WWOX: variants seen among roughly 807,000 people sequenced by gnomAD.
WWOX encodes WW domain containing oxidoreductase.
In WWOX, 69 loss-of-function variants were observed where a neutral mutation model predicts 46.2. The ratio of observed to expected loss-of-function variants is 1.49; its 90% confidence interval spans 1.23 to 1.82. The LOEUF (loss-of-function observed/expected upper bound fraction) is 1.82, where lower values mean the gene tolerates loss of function less well. Among genes scored for constraint, WWOX ranks in the 40% most tolerant of loss-of-function variants. The pLI, the probability that WWOX is intolerant of heterozygous loss-of-function variation, is 0.00. For missense variants in WWOX, 919 were observed against 542.6 expected, an observed-to-expected ratio of 1.69 and a Z score of -6.89; for synonymous variants, 359 against 202.6, an observed-to-expected ratio of 1.77 and a Z score of -6.56.
chr16:78,758,398 A>G (rs368482347), intron 8 of WWOX, among the ~76,000 whole-genome samples: 13 of 152,212 alleles, frequency 8.5e-5, no homozygotes, highest in East Asian at 1.9e-4. Flanking sequence ...AATAATAACT[A>G]TGTCACCAAA....
intron 8 of WWOX, among the ~76,000 whole-genome samples, chr16:78,841,936 G>A (rs578154715): frequency 5.3e-5 from 8 of 152,234 alleles, no homozygotes; most frequent in African/African-American, 1.9e-4. Context: ...TCTAATTAAT[G>A]CACTGGACAG....
chr16:78,786,194 G>A (rs2050451817), intron 8 of WWOX, among the ~76,000 whole-genome samples: 2 of 152,198 alleles, frequency 1.3e-5, no homozygotes, highest in Admixed American at 6.5e-5. Context: ...ACAGGCGTGA[G>A]CCACCGCGCC....
At chr16:78,597,263 T>C (rs2045513388) in intron 8 of WWOX, among the ~76,000 whole-genome samples, 1 of 152,186 alleles carries the variant, frequency 6.6e-6, no homozygotes, top group Non-Finnish European at 1.5e-5. Context: ...TTCCTTCATA[T>C]ATTAATCAAG....
intron 6 of WWOX, among the ~76,000 whole-genome samples, chr16:78,414,359 A>G (rs1192833185): frequency 6.6e-6 from 1 of 152,188 alleles, no homozygotes; most frequent in African/African-American, 2.4e-5. Flanking sequence ...ACTTGAGGTC[A>G]GGAGTTCAAG....
At chr16:79,209,678 C>A (rs1395797255) in intron 8 of WWOX, among the ~76,000 whole-genome samples, 1 of 152,162 alleles carries the variant, frequency 6.6e-6, no homozygotes, top group Non-Finnish European at 1.5e-5. Context: ...CACCAGAACT[C>A]TAAGATTCCA....
chr16:78,336,505 CAAAA>C (rs386385163), intron 5 of WWOX, among the ~76,000 whole-genome samples: 1 of 74,262 alleles, frequency 1.3e-5, no homozygotes. Flanking sequence ...GACTATGTCT[CAAAA>C]AAAAAAAAAA....
At chr16:78,258,994 C>G (rs2038207345) in intron 5 of WWOX, among the ~76,000 whole-genome samples, 1 of 152,160 alleles carries the variant, frequency 6.6e-6, no homozygotes, top group Non-Finnish European at 1.5e-5. Flanking sequence ...CTTCTCATTC[C>G]TTACCTCAGA....
chr16:78,497,109 A>G (rs904412860), intron 8 of WWOX, among the ~76,000 whole-genome samples: 4 of 152,244 alleles, frequency 2.6e-5, no homozygotes, highest in African/African-American at 7.2e-5. Flanking sequence ...GCTTTGGCAT[A>G]AAACAACAGA....
chr16:79,212,234 T>C lies in WWOX; in HGVS notation c.*438T>C. On this transcript the variant is annotated 3_prime_UTR_variant, in exon 9 of 9. Coordinates refer to ENST00000566780, the MANE Select transcript of WWOX (RefSeq NM_016373.4). ...GAAAAAGCAAGTGTTCACTGCTCCT[T>C]GCTGCATTGATCCAGGAGATAATTG... 7 of 1,367,854 alleles carry C rather than the reference T, an allele frequency of 5.1e-6. No homozygotes were observed. The highest frequency in any genetic ancestry group is 6.7e-6 in the Non-Finnish European group (7 of 1,037,878). 84.7% of individuals were successfully genotyped at this position (1,367,854 alleles called of 1,614,324 possible). A position where few individuals can be genotyped will look rare whatever the true frequency, so the allele number is the denominator to read the frequency against.
intron 5 of WWOX, among the ~76,000 whole-genome samples, chr16:78,296,670 G>T (rs930317601): frequency 2.6e-5 from 4 of 152,002 alleles, no homozygotes; most frequent in African/African-American, 9.7e-5. Context: ...ATCAACATTT[G>T]CAAGCTTATG....
intron 8 of WWOX, among the ~76,000 whole-genome samples, chr16:79,108,639 A>G (rs961073073): frequency 6.6e-6 from 1 of 152,218 alleles, no homozygotes; most frequent in East Asian, 1.9e-4. Context: ...TGGTGGCTCA[A>G]GCCTGTAATC....
intron 8 of WWOX, among the ~76,000 whole-genome samples, chr16:79,035,173 T>G (rs375625464): frequency 6.6e-6 from 1 of 152,208 alleles, no homozygotes; most frequent in Non-Finnish European, 1.5e-5. Flanking sequence ...TTTTTGCATG[T>G]GCCACTTTAA....
chr16:78,320,924 G>T (rs908036676), intron 5 of WWOX, among the ~76,000 whole-genome samples: 1 of 152,112 alleles, frequency 6.6e-6, no homozygotes, highest in African/African-American at 2.4e-5. Flanking sequence ...TGCTTTGGGC[G>T]CCAGACTGCA....
chr16:79,031,798 A>G (rs201638472), intron 8 of WWOX, among the ~76,000 whole-genome samples: 2 of 142,750 alleles, frequency 1.4e-5, no homozygotes, highest in South Asian at 4.3e-4. Flanking sequence ...ATCTATATAT[A>G]GATATCTATA....
chr16:78,662,977 C>G (rs1266662087), intron 8 of WWOX, among the ~76,000 whole-genome samples: 1 of 152,134 alleles, frequency 6.6e-6, no homozygotes, highest in African/African-American at 2.4e-5. Context: ...TTGGAAGTCA[C>G]ATCCTATCGC....
chr16:78,429,890 C>A (rs1227859848), intron 7 of WWOX, among the ~76,000 whole-genome samples: 2 of 152,120 alleles, frequency 1.3e-5, no homozygotes, highest in African/African-American at 4.8e-5. Flanking sequence ...ATGTATGTAT[C>A]CGTGGATGAA....
chr16:79,151,281 T>C (rs762221180), intron 8 of WWOX, among the ~76,000 whole-genome samples: 3 of 152,332 alleles, frequency 2.0e-5, no homozygotes, highest in South Asian at 4.1e-4. Context: ...TGAGGTTCTT[T>C]CCAAGTAAAG....
At chr16:78,208,587 C>T (rs910939154) in intron 5 of WWOX, among the ~76,000 whole-genome samples, 36 of 152,258 alleles carry the variant, frequency 2.4e-4, no homozygotes, top group Admixed American at 1.8e-3. Flanking sequence ...TAAATGCATG[C>T]GTTCATTCCT....
At chr16:78,602,424 G>T (rs1052662538) in intron 8 of WWOX, among the ~76,000 whole-genome samples, 2 of 152,076 alleles carry the variant, frequency 1.3e-5, no homozygotes, top group African/African-American at 4.8e-5. Flanking sequence ...AGTGGAGACG[G>T]GGTTTCACTA....
Sources: allele counts gnomAD v4.1 joint callset (sites outside exome capture counted in the v4.1 genomes callset), GRCh38; gene constraint gnomAD v4.1.1; transcripts MANE v1.5; gene names NCBI Gene and HGNC (gene_info 2026-07-23, HGNC 2026-07-21).